LRRC37A2: variants seen among roughly 807,000 people sequenced by gnomAD.
LRRC37A2 encodes leucine rich repeat containing 37 member A2.
LRRC37A2 carries 9 observed loss-of-function variants against 68.8 expected under a neutral mutation model. The observed-to-expected ratio is 0.13, with a 90% CI of 0.08 to 0.23. LRRC37A2 has a LOEUF of 0.23. Ranked by LOEUF, LRRC37A2 falls within the 10% of genes least tolerant of loss-of-function variation. The probability of loss-of-function intolerance (pLI) is 1.00; values close to 1 mark genes in which losing one functional copy is unlikely to be tolerated. For synonymous variants in LRRC37A2, 63 were observed against 367.6 expected (o/e 0.17, Z 9.48); for missense variants, 168 against 950.4 (o/e 0.18, Z 10.82).
the LRRC37A2 span, among the ~76,000 whole-genome samples, chr17:46,787,809 A>C: frequency 6.6e-6 from 1 of 152,170 alleles, no homozygotes; most frequent in African/African-American, 2.4e-5. Context: ...AGAAAAAATT[A>C]ACCAGGCGTG....
the LRRC37A2 span, among the ~76,000 whole-genome samples, chr17:47,035,336 C>T: frequency 1.3e-5 from 2 of 152,230 alleles, no homozygotes; most frequent in Non-Finnish European, 2.9e-5. Flanking sequence ...GCTGTCTTCC[C>T]TCAGGCCCAG....
the LRRC37A2 span, among the ~76,000 whole-genome samples, chr17:46,843,621 C>T: frequency 1.3e-5 from 2 of 152,178 alleles, no homozygotes; most frequent in African/African-American, 2.4e-5. Flanking sequence ...TGCCAGCTCC[C>T]TGGGTTCTAA....
the LRRC37A2 span, among the ~76,000 whole-genome samples, chr17:46,709,010 A>C: frequency 6.6e-6 from 1 of 151,392 alleles, no homozygotes; most frequent in African/African-American, 2.4e-5. Flanking sequence ...TTTTTAGTAG[A>C]GACGAGGTTT....
the LRRC37A2 span, chr17:46,940,554 G>A: frequency 1.2e-6 from 2 of 1,614,144 alleles, no homozygotes; most frequent in African/African-American, 1.3e-5. Context: ...CTGTCCCCCA[G>A]GCACCCAAGG....
chr17:46,939,443 C>T, the LRRC37A2 span: 1 of 988,642 alleles, frequency 1.0e-6, no homozygotes, highest in Non-Finnish European at 1.2e-6. Flanking sequence ...CGGGAGTGTT[C>T]AGTCTTGACC....
chr17:46,859,713 G>A, the LRRC37A2 span, among the ~76,000 whole-genome samples: 3 of 152,130 alleles, frequency 2.0e-5, no homozygotes, highest in South Asian at 2.1e-4. Context: ...GTAGTATCTC[G>A]TCAATATCCA....
At chr17:46,956,276 CCTTTTT>C in the LRRC37A2 span, among the ~76,000 whole-genome samples, 1 of 123,286 alleles carries the variant, frequency 8.1e-6, no homozygotes, top group Non-Finnish European at 1.6e-5. Flanking sequence ...CCTTGCCAGT[CCTTTTT>C]TTTTTTTTTT....
At chr17:46,684,519 T>C in the LRRC37A2 span, among the ~76,000 whole-genome samples, 1 of 152,094 alleles carries the variant, frequency 6.6e-6, no homozygotes, top group Non-Finnish European at 1.5e-5. Flanking sequence ...ATCACCACAC[T>C]GTTGAAACAG....
chr17:46,833,233 T>C, the LRRC37A2 span: 1 of 419,816 alleles, frequency 2.4e-6, no homozygotes, highest in Admixed American at 2.6e-5. Flanking sequence ...GCGTGGAAGC[T>C]GGGCCTGAGC....
chr17:46,966,454 C>A, the LRRC37A2 span: 1 of 611,010 alleles, frequency 1.6e-6, no homozygotes, highest in East Asian at 2.9e-5. Context: ...CTTAAGCAAT[C>A]CTCCCATCTC....
the LRRC37A2 span, among the ~76,000 whole-genome samples, chr17:46,868,784 A>G: frequency 6.6e-6 from 1 of 152,128 alleles, no homozygotes; most frequent in African/African-American, 2.4e-5. Flanking sequence ...TGGGATGCCA[A>G]ACAGTATGAC....
the LRRC37A2 span, among the ~76,000 whole-genome samples, chr17:46,852,683 T>G: frequency 1.3e-5 from 2 of 152,088 alleles, no homozygotes; most frequent in East Asian, 1.9e-4. Context: ...AACTCCAATA[T>G]GTACAGCCTG....
At chr17:46,722,006 C>T in the LRRC37A2 span, 14 of 1,608,598 alleles carry the variant, frequency 8.7e-6, no homozygotes, top group South Asian at 9.9e-5. Context: ...CCGACCACCA[C>T]CAACTTCAGT....
chr17:46,542,769 T>C (rs1488643745), intron 8 of LRRC37A2, among the ~76,000 whole-genome samples: 2 of 150,510 alleles, frequency 1.3e-5, no homozygotes, highest in Non-Finnish European at 2.9e-5. Context: ...TGTGAGTTTG[T>C]TACACAATTT....
the LRRC37A2 span, among the ~76,000 whole-genome samples, chr17:47,004,127 G>T: frequency 6.6e-6 from 1 of 152,258 alleles, no homozygotes; most frequent in African/African-American, 2.4e-5. Context: ...TCATTGATAG[G>T]CATTTGGGTT....
the LRRC37A2 span, among the ~76,000 whole-genome samples, chr17:46,871,509 T>C: frequency 5.3e-5 from 8 of 151,994 alleles, no homozygotes; most frequent in Non-Finnish European, 5.9e-5. Context: ...AGCTGGAGAG[T>C]AAAGCATCTT....
At chr17:46,771,289 G>A in the LRRC37A2 span, among the ~76,000 whole-genome samples, 1 of 152,132 alleles carries the variant, frequency 6.6e-6, no homozygotes, top group African/African-American at 2.4e-5. Flanking sequence ...CCCGCGTCCA[G>A]TTGTGCTCCC....
chr17:46,785,553 C>T, the LRRC37A2 span, among the ~76,000 whole-genome samples: 3 of 152,242 alleles, frequency 2.0e-5, no homozygotes, highest in Admixed American at 2.0e-4. Context: ...ATGACCACTT[C>T]TACATGCTGT....
chr17:46,722,441 A>G, the LRRC37A2 span, among the ~76,000 whole-genome samples: 6 of 152,104 alleles, frequency 3.9e-5, no homozygotes, highest in African/African-American at 7.2e-5. Context: ...AGTTTGTACA[A>G]TTTTACTTTT....
Sources: allele counts gnomAD v4.1 joint callset (sites outside exome capture counted in the v4.1 genomes callset), GRCh38; gene constraint gnomAD v4.1.1; transcripts MANE v1.5; gene names NCBI Gene and HGNC (gene_info 2026-07-23, HGNC 2026-07-21).